NRG3: variants seen among roughly 807,000 people sequenced by gnomAD.
The protein encoded by NRG3 is neuregulin 3, also known as pro-neuregulin-3, membrane-bound isoform.
In NRG3, 31 loss-of-function variants were observed where a neutral mutation model predicts 66.9. The observed-to-expected ratio is 0.46, with a 90% CI of 0.35 to 0.63. The LOEUF (loss-of-function observed/expected upper bound fraction) is 0.63, where lower values mean the gene tolerates loss of function less well. Among genes scored for constraint, NRG3 ranks in the 20% least tolerant of loss-of-function variants. The probability of loss-of-function intolerance (pLI) is 0.00; values close to 1 mark genes in which losing one functional copy is unlikely to be tolerated. For synonymous variants in NRG3, 393 were observed against 359.4 expected (o/e 1.09, Z -1.06); for missense variants, 910 against 878.9 (o/e 1.04, Z -0.45).
chr10:82,719,875 T>C (rs1367477821), intron 2 of NRG3, among the ~76,000 whole-genome samples: 1 of 152,226 alleles, frequency 6.6e-6, no homozygotes, highest in African/African-American at 2.4e-5. Flanking sequence ...TCTTGCTTTC[T>C]CAGTATATTT....
At chr10:82,554,306 A>C (rs2044507993) in intron 2 of NRG3, among the ~76,000 whole-genome samples, 1 of 152,198 alleles carries the variant, frequency 6.6e-6, no homozygotes, top group African/African-American at 2.4e-5. Flanking sequence ...AGAAATTATC[A>C]ACGTTTGAGG....
chr10:82,232,516 A>T, intron 1 of NRG3: 1 of 485,404 alleles, frequency 2.1e-6, no homozygotes, highest in Non-Finnish European at 3.8e-6. Flanking sequence ...GTGCTCCTCA[A>T]ATTCCAGATC....
chr10:81,986,981 A>G (rs995363332), intron 1 of NRG3, among the ~76,000 whole-genome samples: 3 of 152,092 alleles, frequency 2.0e-5, no homozygotes, highest in African/African-American at 7.2e-5. Context: ...TAAAATTTCT[A>G]CTATTGCATA....
At chr10:82,190,477 C>T (rs2074075246) in intron 1 of NRG3, among the ~76,000 whole-genome samples, 1 of 152,098 alleles carries the variant, frequency 6.6e-6, no homozygotes, top group Admixed American at 6.5e-5. Flanking sequence ...TTCTTAATCT[C>T]TCAAAGTTGC....
intron 1 of NRG3, among the ~76,000 whole-genome samples, chr10:82,338,359 A>G (rs7915217): frequency 0.22 from 34,175 of 152,104 alleles, 7,819 homozygotes; most frequent in African/African-American, 0.59. Flanking sequence ...CAGTATCTCT[A>G]AACAAGTGCT....
At chr10:82,586,937 T>C (rs2046709398) in intron 2 of NRG3, among the ~76,000 whole-genome samples, 2 of 152,176 alleles carry the variant, frequency 1.3e-5, no homozygotes, top group African/African-American at 4.8e-5. Flanking sequence ...AATCATGTTT[T>C]TTCATGTTTT....
chr10:81,924,149 G>T (rs1294084228), intron 1 of NRG3, among the ~76,000 whole-genome samples: 1 of 152,164 alleles, frequency 6.6e-6, no homozygotes, highest in Non-Finnish European at 1.5e-5. Flanking sequence ...GATGGGAGCA[G>T]GTAGGGCTGG....
chr10:82,641,891 G>T (rs2133817559), intron 2 of NRG3, among the ~76,000 whole-genome samples: 1 of 152,250 alleles, frequency 6.6e-6, no homozygotes, highest in Non-Finnish European at 1.5e-5. Context: ...TACATGGATA[G>T]ATCATGTAGT....
intron 1 of NRG3, among the ~76,000 whole-genome samples, chr10:82,239,786 T>A (rs1267605875): frequency 2.0e-5 from 3 of 152,194 alleles, no homozygotes; most frequent in Admixed American, 6.5e-5. Context: ...TATTCCACCT[T>A]TGTATCTGCT....
At chr10:82,332,709 A>G (rs1392615530) in intron 1 of NRG3, among the ~76,000 whole-genome samples, 1 of 152,204 alleles carries the variant, frequency 6.6e-6, no homozygotes, top group African/African-American at 2.4e-5. Flanking sequence ...ATCAATATCA[A>G]GGAGACAATC....
chr10:82,543,007 T>A (rs1001010591), intron 2 of NRG3, among the ~76,000 whole-genome samples: 7 of 151,900 alleles, frequency 4.6e-5, no homozygotes, highest in African/African-American at 1.7e-4. Flanking sequence ...TTCTCCTGCC[T>A]CAACCTCCCG....
chr10:82,138,334 AATT>A (rs2069515837), intron 1 of NRG3, among the ~76,000 whole-genome samples: 1 of 152,170 alleles, frequency 6.6e-6, no homozygotes, highest in Non-Finnish European at 1.5e-5. Context: ...TGAAAGAAAT[AATT>A]ATTAGCTAAC....
chr10:82,514,021 T>A (rs1295339773), intron 2 of NRG3, among the ~76,000 whole-genome samples: 1 of 152,168 alleles, frequency 6.6e-6, no homozygotes, highest in East Asian at 1.9e-4. Flanking sequence ...CTTTGCCCAC[T>A]TTTTAAATGA....
At chr10:82,028,042 A>G (rs1025824763) in intron 1 of NRG3, among the ~76,000 whole-genome samples, 10 of 152,108 alleles carry the variant, frequency 6.6e-5, no homozygotes, top group South Asian at 2.1e-4. Context: ...CTCAACTTCC[A>G]TTAGAGTGGG....
At chr10:82,295,411 A>T (rs2080002546) in intron 1 of NRG3, among the ~76,000 whole-genome samples, 1 of 152,154 alleles carries the variant, frequency 6.6e-6, no homozygotes, top group African/African-American at 2.4e-5. Flanking sequence ...AATCTCTAAC[A>T]GTATGACCTC....
Position 82,973,886 on chromosome 10 carries a change from C to G in NRG3, c.1383C>G (p.Asp461Glu). ...CATTCCCTGAGGTCCCTTCTCCTGA[C>G]AGAGGAAGCCAGTCTGTCAAACACC... The part of the protein sequence containing the change: ...PQSFPEVPSP[D>E]RGSQSVKHHR... Residue 461 changes from aspartate (D) to glutamate (E), a missense_variant, in exon 7 of 9, where the codon GAC becomes GAG. By Grantham distance (45) the Asp-to-Glu change is conservative. Transcript: ENST00000372141. 6.2e-7 allele frequency: 1 copy of G among 1,614,054 alleles called. No homozygotes were observed. The highest frequency in any genetic ancestry group is 2.2e-5 in the East Asian group (1 of 44,850).
intron 1 of NRG3, among the ~76,000 whole-genome samples, chr10:82,133,833 T>C (rs562164753): frequency 6.6e-6 from 1 of 152,284 alleles, no homozygotes; most frequent in South Asian, 2.1e-4. Context: ...CTTTGAGGAA[T>C]CGCCATACTG....
At chr10:82,728,305 T>C (rs980869939) in intron 2 of NRG3, among the ~76,000 whole-genome samples, 1 of 152,138 alleles carries the variant, frequency 6.6e-6, no homozygotes, top group Admixed American at 6.5e-5. Context: ...CCATCTTGAA[T>C]TGTAACTCCT....
chr10:82,066,124 G>A lies in NRG3; in HGVS notation c.823+189961G>A, dbSNP rs549407434. 4.1e-3 allele frequency among the ~76,000 whole-genome samples: 627 copies of A among 152,086 alleles called. 8 individuals carry two copies. The highest frequency in any genetic ancestry group is 0.015 in the African/African-American group (608 of 41,492). ...ACCATGTCTTTTACAAGTTAATGAG[G>A]ATATTAATTTTTCAAATATAATTTT... On this transcript the variant is annotated intron_variant, in intron 1 of 8. Transcript: ENST00000372141.
Sources: allele counts gnomAD v4.1 joint callset (sites outside exome capture counted in the v4.1 genomes callset), GRCh38; gene constraint gnomAD v4.1.1; transcripts MANE v1.5; gene names NCBI Gene and HGNC (gene_info 2026-07-23, HGNC 2026-07-21).